SMARCA2: variants seen among roughly 807,000 people sequenced by gnomAD.
SMARCA2 encodes SWI/SNF related BAF chromatin remodeling complex subunit ATPase 2.
Under a neutral mutation model 199.8 loss-of-function variants are expected in SMARCA2, and 61 were observed. The observed-to-expected ratio is 0.31, with a 90% CI of 0.25 to 0.38. The LOEUF is 0.38. Among genes scored for constraint, SMARCA2 ranks in the 10% least tolerant of loss-of-function variants. The pLI is 1.00. For synonymous variants in SMARCA2, 935 were observed against 732.0 expected, an observed-to-expected ratio of 1.28 and a Z score of -4.48; for missense variants, 1,344 against 2,012.2, an observed-to-expected ratio of 0.67 and a Z score of 6.35.
chr9:2,145,419 T>A (rs903025365), intron 27 of SMARCA2, among the ~76,000 whole-genome samples: 1 of 151,754 alleles, frequency 6.6e-6, no homozygotes, highest in African/African-American at 2.4e-5. Context: ...TAGACAAGAC[T>A]AAGATGTGGG....
intron 12 of SMARCA2, among the ~76,000 whole-genome samples, chr9:2,074,296 T>A (rs1228291580): frequency 6.6e-6 from 1 of 152,198 alleles, no homozygotes; most frequent in Non-Finnish European, 1.5e-5. Context: ...ATTTAATAAT[T>A]ACAAATAGAA....
chr9:2,162,434 A>G (rs937200520), intron 28 of SMARCA2, among the ~76,000 whole-genome samples: 1 of 152,162 alleles, frequency 6.6e-6, no homozygotes, highest in African/African-American at 2.4e-5. Context: ...TCTTTCAGCA[A>G]ATTTACCTTT....
In SMARCA2 at chr9:2,146,213, A is replaced by G. The variant is rs1414808594; in HGVS notation, c.3982-15473A>G. Among the ~76,000 whole-genome samples, 4 of 152,284 alleles carry G rather than the reference A, an allele frequency of 2.6e-5. No individual in the cohort carries two copies. In the East Asian group the frequency reaches 5.8e-4, roughly 22 times the overall value. On this transcript the variant is annotated intron_variant, in intron 27 of 33. Transcript: ENST00000349721. Reference sequence around the variant, plus strand: ...TGTGTCCTCACATGGTAGAAGGGACATGGGAGCTCTTTGGGGTCTTTTTTA... The same window carrying G: ...TGTGTCCTCACATGGTAGAAGGGACGTGGGAGCTCTTTGGGGTCTTTTTTA...
At chr9:2,120,820 G>C (rs988465812) in intron 26 of SMARCA2, among the ~76,000 whole-genome samples, 1 of 152,150 alleles carries the variant, frequency 6.6e-6, no homozygotes, top group African/African-American at 2.4e-5. Flanking sequence ...TTTCAGAGAG[G>C]AATGGTAGTA....
In SMARCA2 at chr9:2,119,829, A is replaced by G. The variant is rs1823376017; in HGVS notation, c.3762+294A>G. Among the ~76,000 whole-genome samples the G allele has an allele frequency of 6.6e-6, 1 of 152,232 alleles. No homozygotes were observed. Among genetic ancestry groups the G allele is most frequent in the Non-Finnish European group, 1.5e-5 (1 of 68,040 alleles). ...ACCAGGCCCACATCTTTGTGTGGAA[A>G]CAGTTGGCCAGGGCTGAGTAGCAGC... is the stretch of plus-strand genomic sequence containing the variant. On this transcript the variant is annotated intron_variant, in intron 26 of 33. Transcript: ENST00000349721. The surrounding 1 kb of genome is among the most constrained non-coding windows in gnomAD (Gnocchi z 4.6).
In SMARCA2 at chr9:2,017,731, C is replaced by G. The variant is rs1394066602; in HGVS notation, c.-37+2327C>G. ...GAGCCGCGGCTCGGAGACCGGTTCCCGTCCGCCGGCCGCGCCGCCACCCCA... is the reference window on the plus strand; with the variant it reads ...GAGCCGCGGCTCGGAGACCGGTTCCGGTCCGCCGGCCGCGCCGCCACCCCA... On this transcript the variant is annotated intron_variant, in intron 1 of 33. Coordinates refer to ENST00000349721, the MANE Select transcript of SMARCA2 (RefSeq NM_003070.5). This position sits in a 1 kb window ranked among gnomAD's most constrained non-coding sequence, Gnocchi z 8.8. 5.3e-5 allele frequency: 8 copies of G among 152,178 alleles called. No homozygotes were observed. Among genetic ancestry groups the G allele is most frequent in the African/African-American group, 4.8e-5 (2 of 41,428 alleles). The allele number at this position is 152,178 out of a possible 1,614,324, so 9.4% of individuals were successfully genotyped here.
rs555344203 is a variant in SMARCA2 at position 2,165,454 on chromosome 9, G to T, written c.4199+3551G>T. 5.9e-5 allele frequency among the ~76,000 whole-genome samples: 9 copies of T among 152,288 alleles called. No homozygotes were observed. The East Asian group carries it at 1.4e-3, about 23-fold the overall frequency. On this transcript the variant is annotated intron_variant, in intron 28 of 33. Coordinates refer to ENST00000349721, the MANE Select transcript of SMARCA2 (RefSeq NM_003070.5). ...ATCTGACCCTTAAGAGCCAGATATT[G>T]TGTGATTCATAAGTGTAAAATCCTT...
rs560604623 is a variant in SMARCA2, at chr9:2,039,811, A to C, written c.701A>C (p.Gln234Pro). ...CAGCAGCAGCAGCAGCAGCAGCAGC[A>C]GCAGCAACAGCAGCCGCAGCAGCAG... ...QQQQQQQQQQ[Q>P]QQQQPQQQPP... Residue 234 changes from glutamine (Q) to proline (P), a missense_variant, in exon 4 of 34, where the codon CAG becomes CCG. Physicochemically the swap from Gln to Pro is moderately conservative, Grantham distance 76. This residue lies in a region of SMARCA2 where 117 missense variants were observed against 99.1 expected (regional missense o/e 1.18). Transcript: ENST00000349721. The surrounding 1 kb of genome is among the most constrained non-coding windows in gnomAD (Gnocchi z 4.8). 10 of 1,603,928 alleles carry C rather than the reference A, an allele frequency of 6.2e-6. No homozygotes were observed. The African/African-American group carries it at 6.7e-5, about 11-fold the overall frequency.
chr9:2,027,045 C>G (rs1255434019), intron 1 of SMARCA2, among the ~76,000 whole-genome samples: 1 of 152,172 alleles, frequency 6.6e-6, no homozygotes, highest in Non-Finnish European at 1.5e-5. Flanking sequence ...CCTGTTTCAG[C>G]TCTAATTTAC....
chr9:2,107,677 T>C (rs921744254), intron 23 of SMARCA2, among the ~76,000 whole-genome samples: 2 of 152,200 alleles, frequency 1.3e-5, no homozygotes, highest in Non-Finnish European at 2.9e-5. Context: ...GTATCTGTTA[T>C]AGGGTCTGAA....
intron 27 of SMARCA2, among the ~76,000 whole-genome samples, chr9:2,140,297 A>C (rs1464784362): frequency 6.6e-6 from 1 of 152,190 alleles, no homozygotes; most frequent in Non-Finnish European, 1.5e-5. Flanking sequence ...TTTGCATTTA[A>C]TTTTAAAATA....
chr9:2,109,035 G>A (rs776030629), intron 23 of SMARCA2, among the ~76,000 whole-genome samples: 1 of 152,214 alleles, frequency 6.6e-6, no homozygotes, highest in Admixed American at 6.5e-5. Context: ...CTTCAGGAGG[G>A]CATTTGTTAT....
intron 27 of SMARCA2, among the ~76,000 whole-genome samples, chr9:2,137,824 T>TCAGGGC (rs1824274403): frequency 6.6e-6 from 1 of 152,164 alleles, no homozygotes; most frequent in Non-Finnish European, 1.5e-5. Flanking sequence ...CTAGGAGGGA[T>TCAGGGC]TTGGTTGCAG....
rs3793511 is a variant in SMARCA2, at chr9:2,170,512, G to C, written c.4253+40G>C. The C allele has an allele frequency of 0.53, 847,955 of 1,612,788 alleles. 227,931 individuals are homozygous for C. Among genetic ancestry groups the C allele is most frequent in the Non-Finnish European group, 0.55 (650,378 of 1,179,334 alleles). On this transcript the variant is annotated intron_variant, in intron 29 of 33. Transcript: ENST00000349721. This position sits in a 1 kb window ranked among gnomAD's most constrained non-coding sequence, Gnocchi z 4.7. ...TGTATTCCCCTATCTCTAAATACAG[G>C]TATCCCTCGTTACGTGAAACAGATT...
At chr9:2,037,151 T>C (rs1586632446) in intron 3 of SMARCA2, among the ~76,000 whole-genome samples, 1 of 152,204 alleles carries the variant, frequency 6.6e-6, no homozygotes, top group Non-Finnish European at 1.5e-5. Context: ...CATTTTGTAC[T>C]AGCGTTACAA....
At chr9:2,057,215 G>T (rs992571094) in intron 7 of SMARCA2, among the ~76,000 whole-genome samples, 1 of 152,206 alleles carries the variant, frequency 6.6e-6, no homozygotes, top group Non-Finnish European at 1.5e-5. Flanking sequence ...GCATGGCTGG[G>T]CTCTGGTGAG....
chr9:2,050,804 A>T (rs987389433), intron 5 of SMARCA2, among the ~76,000 whole-genome samples: 2 of 152,068 alleles, frequency 1.3e-5, no homozygotes, highest in Non-Finnish European at 2.9e-5. Flanking sequence ...TGTTCAGATA[A>T]CTCTCCTACA....
intron 27 of SMARCA2, chr9:2,160,438 T>C (rs1185157031): frequency 1.9e-6 from 1 of 519,726 alleles, no homozygotes; most frequent in Non-Finnish European, 3.4e-6. Context: ...CCACTGGCAT[T>C]TTTAACATGC....
At chr9:2,082,306 GGTGTGTGTGT>G (rs3057852) in intron 15 of SMARCA2, among the ~76,000 whole-genome samples, 26 of 121,850 alleles carry the variant, frequency 2.1e-4, no homozygotes, top group East Asian at 1.5e-3. Context: ...AAAGGGGAAA[GGTGTGTGTGT>G]GTGTGTGTGT....
Sources: gnomAD v4.1 joint callset for allele counts (sites outside exome capture counted in the v4.1 genomes callset) on GRCh38, gnomAD v4.1.1 for gene constraint, gnomAD v4.1.1 regional missense constraint, Gnocchi (gnomAD v3.1) non-coding constraint, MANE v1.5 for transcripts, NCBI Gene and HGNC (gene_info 2026-07-23, HGNC 2026-07-21) for gene names.